The following GSE1 variants were observed in gnomAD, a reference collection of about 807,000 sequenced individuals.
GSE1 encodes the protein genetic suppressor element 1.
Under a neutral mutation model 112.6 loss-of-function variants are expected in GSE1, and 32 were observed. The ratio of observed to expected loss-of-function variants is 0.28; its 90% confidence interval spans 0.21 to 0.38. GSE1 has a LOEUF of 0.38. GSE1 is among the 10% of genes least tolerant of loss of function. GSE1 has a pLI of 1.00. For missense variants in GSE1, 2,348 were observed against 1,699.2 expected, an observed-to-expected ratio of 1.38 and a Z score of -6.71; for synonymous variants, 1,115 against 735.6, an observed-to-expected ratio of 1.52 and a Z score of -8.35.
rs188023389 is a variant in GSE1, at chr16:85,373,888, C to T, written c.2464+16245C>T. Among the ~76,000 whole-genome samples the T allele has an allele frequency of 1.2e-3, 177 of 152,254 alleles. 4 individuals are homozygous for T. In the East Asian group the frequency reaches 0.033, roughly 29 times the overall value. On this transcript the variant is annotated intron_variant, in intron 2 of 2. Coordinates refer to the GSE1 transcript ENST00000637419. This position sits in a 1 kb window ranked among gnomAD's most constrained non-coding sequence, Gnocchi z 5.1. ...GTCTCTTTGTCTCTTTCATGAGCGGCAGCCTCCAGGCACCCGCCCGGCCTC... is the reference window on the plus strand; with the variant it reads ...GTCTCTTTGTCTCTTTCATGAGCGGTAGCCTCCAGGCACCCGCCCGGCCTC...
At chr16:85,569,139 C>G (rs2045878542) in intron 1 of GSE1, among the ~76,000 whole-genome samples, 1 of 152,218 alleles carries the variant, frequency 6.6e-6, no homozygotes, top group African/African-American at 2.4e-5. Context: ...TTCTCCCCGA[C>G]AGGGCCAACC....
intron 1 of GSE1, among the ~76,000 whole-genome samples, chr16:85,223,016 C>A (rs901971965): frequency 6.6e-6 from 1 of 152,148 alleles, no homozygotes; most frequent in Non-Finnish European, 1.5e-5. Context: ...CGGACTGCTT[C>A]CCTCTAGTTT....
chr16:85,503,921 C>T (rs1270615545), intron 2 of GSE1, among the ~76,000 whole-genome samples: 3 of 152,190 alleles, frequency 2.0e-5, no homozygotes, highest in African/African-American at 4.8e-5. Context: ...TAATTAGGAC[C>T]GGCAGTGCGG....
chr16:85,468,549 C>G (rs1307769587), intron 2 of GSE1, among the ~76,000 whole-genome samples: 2 of 152,014 alleles, frequency 1.3e-5, no homozygotes, highest in East Asian at 3.9e-4. Flanking sequence ...AACTCCTGAC[C>G]TCCTGTGATC....
At chr16:85,346,677 T>C (rs1048112885) in intron 1 of GSE1, among the ~76,000 whole-genome samples, 5 of 145,708 alleles carry the variant, frequency 3.4e-5, no homozygotes, top group African/African-American at 1.3e-4. Flanking sequence ...GGATGGATGA[T>C]GGGTGGATGG....
At chr16:85,397,436 C>T (rs926837141) in intron 2 of GSE1, among the ~76,000 whole-genome samples, 5 of 152,262 alleles carry the variant, frequency 3.3e-5, no homozygotes, top group Non-Finnish European at 5.9e-5. Flanking sequence ...ACGTGTATCT[C>T]CTCGCATGGA....
intron 2 of GSE1, among the ~76,000 whole-genome samples, chr16:85,377,124 G>C (rs536954445): frequency 1.3e-5 from 2 of 152,354 alleles, no homozygotes; most frequent in South Asian, 4.1e-4. Flanking sequence ...GTGCACAGTT[G>C]TGGATGACGG....
chr16:85,370,533 A>AG (rs1450037181), intron 2 of GSE1, among the ~76,000 whole-genome samples: 2 of 152,170 alleles, frequency 1.3e-5, no homozygotes, highest in Non-Finnish European at 2.9e-5. Context: ...GAGGCCCCTC[A>AG]GGGGAAAAGA....
rs138058043 is a variant in GSE1, at chr16:85,508,164, G to C, written c.2465-125750G>C. Among the ~76,000 whole-genome samples, 1,277 of 152,302 alleles carry C rather than the reference G, an allele frequency of 8.4e-3. 24 individuals carry two copies. The highest frequency in any genetic ancestry group is 0.03 in the African/African-American group (1,227 of 41,542). ...TTCTCATGTCTCAGCCTCCCGAGTA[G>C]CTGGGATTACAGGCATGCGTCACCA... On this transcript the variant is annotated intron_variant, in intron 2 of 2. Coordinates refer to the GSE1 transcript ENST00000637419.
chr16:85,391,248 G>T (rs1345834510), intron 2 of GSE1, among the ~76,000 whole-genome samples: 1 of 152,228 alleles, frequency 6.6e-6, no homozygotes, highest in African/African-American at 2.4e-5. Flanking sequence ...AACACATTCG[G>T]GCATTAATGC....
At chr16:85,320,988 T>C (rs2046095390) in intron 1 of GSE1, among the ~76,000 whole-genome samples, 1 of 152,208 alleles carries the variant, frequency 6.6e-6, no homozygotes. Context: ...TCCAGTCTTA[T>C]TTAGCGTGGC....
chr16:85,198,568 C>T (rs1261993497), intron 1 of GSE1, among the ~76,000 whole-genome samples: 2 of 152,116 alleles, frequency 1.3e-5, no homozygotes, highest in Non-Finnish European at 2.9e-5. Flanking sequence ...GTAGCCTGAG[C>T]TCTGCTGGCC....
intron 1 of GSE1, among the ~76,000 whole-genome samples, chr16:85,209,089 G>T (rs979445701): frequency 1.3e-5 from 2 of 152,008 alleles, no homozygotes; most frequent in African/African-American, 4.8e-5. Context: ...TGTGTGTTGG[G>T]GTCTGCCGCG....
At chr16:85,624,952 G>A (rs943567500) in intron 1 of GSE1, among the ~76,000 whole-genome samples, 1 of 152,176 alleles carries the variant, frequency 6.6e-6, no homozygotes, top group Admixed American at 6.5e-5. Flanking sequence ...TTGCTTTCTG[G>A]GGTCTGCTTA....
intron 2 of GSE1, among the ~76,000 whole-genome samples, chr16:85,455,527 T>C (rs186170945): frequency 1.4e-3 from 212 of 152,272 alleles, no homozygotes; most frequent in South Asian, 6.6e-3. Flanking sequence ...CAGGCCGGTG[T>C]GGGTTTATAG....
intron 1 of GSE1, among the ~76,000 whole-genome samples, chr16:85,284,576 G>A (rs564972804): frequency 5.3e-5 from 8 of 152,284 alleles, no homozygotes; most frequent in South Asian, 2.1e-4. Context: ...GACGATTCTC[G>A]GGAACTCGGT....
chr16:85,208,518 C>T (rs1012059576), intron 1 of GSE1, among the ~76,000 whole-genome samples: 1 of 152,224 alleles, frequency 6.6e-6, no homozygotes, highest in Non-Finnish European at 1.5e-5. Flanking sequence ...CCTCGTCCCC[C>T]ACACCACCTG....
intron 1 of GSE1, among the ~76,000 whole-genome samples, chr16:85,208,086 C>T (rs942876652): frequency 2.6e-5 from 4 of 152,136 alleles, no homozygotes; most frequent in African/African-American, 9.7e-5. Flanking sequence ...GTGGTTGGAG[C>T]AGCATTAGGA....
chr16:85,486,507 G>C (rs2050844309), intron 2 of GSE1, among the ~76,000 whole-genome samples: 1 of 152,238 alleles, frequency 6.6e-6, no homozygotes. Flanking sequence ...GCTCCGTTCG[G>C]GGGTGGCATG....
Sources: allele counts gnomAD v4.1 joint callset (sites outside exome capture counted in the v4.1 genomes callset), GRCh38; gene constraint gnomAD v4.1.1; non-coding constraint Gnocchi (gnomAD v3.1); transcripts MANE v1.5; gene names NCBI Gene and HGNC (gene_info 2026-07-23, HGNC 2026-07-21).